RCOR2: variants seen among roughly 807,000 people sequenced by gnomAD.
RCOR2 encodes REST corepressor 2.
A neutral mutation model predicts 58.9 loss-of-function variants in RCOR2; 19 were observed. The observed-to-expected ratio is 0.32, with a 90% CI of 0.23 to 0.47. The LOEUF is 0.47. Among genes scored for constraint, RCOR2 ranks in the 20% least tolerant of loss-of-function variants. The pLI is 1.00. For missense variants in RCOR2, 590 were observed against 707.9 expected (o/e 0.83, Z 1.89); for synonymous variants, 286 against 278.7 (o/e 1.03, Z -0.26).
rs1430961387 is a variant in RCOR2, at chr11:63,916,101, G to GAGGGC, written c.127+224_127+228dup. Reference sequence around the variant, plus strand: ...GGGATGCCTCGGTCCCTGAGGGGGTGAGGGCAGGGCAGGGGCCGGCAGGAC... The same window carrying GAGGGC: ...GGGATGCCTCGGTCCCTGAGGGGGTGAGGGCAGGGCAGGGCAGGGGCCGGCAGGAC... On this transcript the variant is annotated intron_variant, in intron 1 of 11. Transcript: ENST00000301459. 7.2e-5 allele frequency among the ~76,000 whole-genome samples: 11 copies of GAGGGC among 152,374 alleles called. No individual in the cohort carries two copies. The South Asian group carries it at 1.9e-3, about 26-fold the overall frequency.
chr11:63,912,261 C>T (rs1392329305), intron 11 of RCOR2, 44 bp downstream of exon 11: 2 of 1,598,584 alleles, frequency 1.3e-6, no homozygotes, highest in Non-Finnish European at 1.7e-6. Flanking sequence ...CCTCACCTCG[C>T]CTCGCCTCTC....
Position 63,916,891 on chromosome 11 carries a change from C to T in RCOR2, c.-435G>A, listed in dbSNP as rs1368725313. 6.4e-6 allele frequency: 1 copy of T among 155,962 alleles called. No homozygotes were observed. The highest frequency in any genetic ancestry group is 1.9e-4 in the East Asian group (1 of 5,266). 9.7% of individuals were successfully genotyped at this position (155,962 alleles called of 1,614,324 possible). ...CGGGCTCTGCGCCTCTCAGCTGCGC[C>T]GGGGATGCCCCAGTCCCCGGGCGGG... On this transcript the variant is annotated 5_prime_UTR_variant, in exon 1 of 12. Coordinates refer to ENST00000301459, the MANE Select transcript of RCOR2 (RefSeq NM_173587.4).
Position 63,911,605 on chromosome 11 carries a change from C to A in RCOR2, c.*260G>T, listed in dbSNP as rs1941756510. 4.7e-6 allele frequency: 2 copies of A among 428,120 alleles called. No individual in the cohort carries two copies. The highest frequency in any genetic ancestry group is 8.1e-6 in the Non-Finnish European group (2 of 246,988). The allele number at this position is 428,120 out of a possible 1,614,324, so 26.5% of individuals were successfully genotyped here. A position where few individuals can be genotyped will look rare whatever the true frequency, so the allele number is the denominator to read the frequency against. On this transcript the variant is annotated 3_prime_UTR_variant, in exon 12 of 12. Transcript: ENST00000301459. ...AAGCCCCAGCAGACTAGGACACAGC[C>A]ATTCCAGTACCGGCCAGGAAGCGAA...
chr11:63,918,607 G>C (rs1289997896), upstream of RCOR2, among the ~76,000 whole-genome samples: 3 of 152,186 alleles, frequency 2.0e-5, no homozygotes, highest in Non-Finnish European at 4.4e-5. Flanking sequence ...AAGGAGGTCT[G>C]ATTCAAGACT....
chr11:63,917,726 C>T (rs1415760551), upstream of RCOR2, among the ~76,000 whole-genome samples: 4 of 152,174 alleles, frequency 2.6e-5, no homozygotes, highest in Non-Finnish European at 5.9e-5. Flanking sequence ...CGCCCCAATT[C>T]CCTTTAACTG....
rs144132231 is a variant in RCOR2 at position 63,912,881 on chromosome 11, G to A, written c.958C>T (p.Arg320Cys). 3 of 1,613,576 alleles carry A rather than the reference G, an allele frequency of 1.9e-6. No homozygotes were observed. Among genetic ancestry groups the A allele is most frequent in the African/African-American group, 1.3e-5 (1 of 74,908 alleles). ...QALEGGIDPLRPPEANTKFNS... is the reference protein window; with the variant it reads ...QALEGGIDPLCPPEANTKFNS... Reference sequence around the variant, plus strand: ...AAGAGCAGCCATACCTCCGGGGGGCGTAGTGGATCAATACCGCCCTCCAGG... The same window carrying A: ...AAGAGCAGCCATACCTCCGGGGGGCATAGTGGATCAATACCGCCCTCCAGG... The change falls in exon 9 of 12, where the codon CGC becomes TGC. Residue 320 changes from arginine (R) to cysteine (C), a missense_variant. Arg to Cys is a radical substitution (Grantham distance 180). This residue lies in a region of RCOR2 where 390 missense variants were observed against 478.7 expected (regional missense o/e 0.81). Coordinates refer to ENST00000301459, the MANE Select transcript of RCOR2 (RefSeq NM_173587.4).
rs1316454591 is a variant in RCOR2, at chr11:63,915,591, T to A, written c.148A>T (p.Thr50Ser). The change falls in exon 2 of 12, where the codon ACC becomes TCC. Residue 50 changes from threonine (T) to serine (S), a missense_variant. Around this residue, in one of 3 missense-constraint regions of RCOR2, gnomAD observed 390 missense variants for 478.7 expected, o/e 0.81. Transcript: ENST00000301459. ...TCCGGAATTACGGCCTGGTAATTGG[T>A]TCCAACGCGGATCATGCTGTCTGTG... is the stretch of plus-strand genomic sequence containing the variant. Reference protein sequence around the residue: ...HSHDSMIRVGTNYQAVIPECK... With the variant: ...HSHDSMIRVGSNYQAVIPECK... 7.4e-7 allele frequency: 1 copy of A among 1,356,414 alleles called. No homozygotes were observed. Among genetic ancestry groups the A allele is most frequent in the Non-Finnish European group, 9.7e-7 (1 of 1,026,554 alleles). The allele number at this position is 1,356,414 out of a possible 1,614,324, so 84.0% of individuals were successfully genotyped here.
chr11:63,922,797 G>T, the RCOR2 span, among the ~76,000 whole-genome samples: 1 of 152,096 alleles, frequency 6.6e-6, no homozygotes, highest in Non-Finnish European at 1.5e-5. Flanking sequence ...CAAACAGGTG[G>T]CTCACCATTC....
At chr11:63,926,102 G>C in the RCOR2 span, among the ~76,000 whole-genome samples, 1 of 151,902 alleles carries the variant, frequency 6.6e-6, no homozygotes, top group African/African-American at 2.4e-5. Flanking sequence ...GTAGAGACGG[G>C]GTTTCACCAT....
rs759640541 is a variant in RCOR2, at chr11:63,914,100, G to A, written c.745C>T (p.Arg249Cys). Residue 249 changes from arginine (R) to cysteine (C), a missense_variant, in exon 8 of 12, where the codon CGC (arginine) becomes TGC (cysteine). Transcript: ENST00000301459. Reference protein sequence around the residue: ...GKKEVQVSQYRHHPLRTRRRP... With the variant: ...GKKEVQVSQYCHHPLRTRRRP... ...CGCCGGGTTCGCAAGGGATGGTGGCGGTACTGAGACACCTGGACCTCCTTT... is the reference window on the plus strand; with the variant it reads ...CGCCGGGTTCGCAAGGGATGGTGGCAGTACTGAGACACCTGGACCTCCTTT... The A allele has an allele frequency of 6.8e-6, 11 of 1,613,890 alleles. No individual in the cohort carries two copies. The highest frequency in any genetic ancestry group is 3.3e-5 in the South Asian group (3 of 91,088).
chr11:63,917,553 T>C (rs1180201366), upstream of RCOR2, among the ~76,000 whole-genome samples: 3 of 152,038 alleles, frequency 2.0e-5, no homozygotes, highest in Non-Finnish European at 1.5e-5. Context: ...TCCATTTCCC[T>C]TCCTGCCAAG....
upstream of RCOR2, among the ~76,000 whole-genome samples, chr11:63,920,878 C>A (rs1941910962): frequency 6.6e-6 from 1 of 152,100 alleles, no homozygotes; most frequent in Non-Finnish European, 1.5e-5. Flanking sequence ...CTAGCCGGCA[C>A]TCCTTCCCCC....
In RCOR2 at chr11:63,917,040, G is replaced by A. The variant is rs1941868948; in HGVS notation, c.-584C>T. Among the ~76,000 whole-genome samples, 1 of 148,436 alleles carries A rather than the reference G, an allele frequency of 6.7e-6. No individual in the cohort carries two copies. Among genetic ancestry groups the A allele is most frequent in the Non-Finnish European group, 1.5e-5 (1 of 66,574 alleles). The stretch of plus-strand genomic sequence containing the variant: ...GCGGCGCTGGGCAGAGTTGCCGGGA[G>A]GCGGGCGGAGCGCAGCCGCGGGTGC... On this transcript the variant is annotated 5_prime_UTR_variant, in exon 1 of 12. Transcript: ENST00000301459.
upstream of RCOR2, among the ~76,000 whole-genome samples, chr11:63,921,783 C>T (rs1941917032): frequency 1.3e-5 from 2 of 152,246 alleles, no homozygotes; most frequent in African/African-American, 4.8e-5. Context: ...TGAGGCAGCC[C>T]ATGCCCAGTG....
intron 1 of RCOR2, 139 bp from the exon 2 acceptor site, chr11:63,915,750 C>A: frequency 1.4e-6 from 1 of 735,718 alleles, no homozygotes; most frequent in Non-Finnish European, 2.4e-6. Flanking sequence ...GCTCACTTTT[C>A]CCTCATTGTA....
chr11:63,916,739 T>G lies in RCOR2; in HGVS notation c.-283A>C. ...CGGTGCGGCTGGGGCGTGATTACTA[T>G]GTACGCCCCTCAGGGTTGGGGTTCC... On this transcript the variant is annotated 5_prime_UTR_variant, in exon 1 of 12. Transcript: ENST00000301459. The G allele has an allele frequency of 2.3e-6, 1 of 428,274 alleles. No homozygotes were observed. The highest frequency in any genetic ancestry group is 4.2e-6 in the Non-Finnish European group (1 of 239,274). The allele number at this position is 428,274 out of a possible 1,614,324, so 26.5% of individuals were successfully genotyped here.
At chr11:63,920,240 C>G (rs921373666), upstream of RCOR2, among the ~76,000 whole-genome samples, 4 of 152,240 alleles carry the variant, frequency 2.6e-5, no homozygotes, top group African/African-American at 9.6e-5. Flanking sequence ...CACCGGGCTT[C>G]TCTGCGCTCT....
At position 63,912,851 on chromosome 11, in the gene RCOR2, A is replaced by C. The variant is rs1590733745; in HGVS notation, c.969+19T>G. The stretch of plus-strand genomic sequence containing the variant: ...GAGAGAAACCCCCCTTTGCACCCTA[A>C]CTTAAAGAGCAGCCATACCTCCGGG... On this transcript the variant is annotated intron_variant, in intron 9 of 11. Transcript: ENST00000301459. The C allele has an allele frequency of 6.2e-7, 1 of 1,612,648 alleles. No homozygotes were observed. The highest frequency in any genetic ancestry group is 8.5e-7 in the Non-Finnish European group (1 of 1,179,086).
In RCOR2 at chr11:63,914,701, T is replaced by G; in HGVS notation, c.434A>C (p.Gln145Pro). The G allele has an allele frequency of 6.2e-7, 1 of 1,611,982 alleles. No homozygotes were observed. The highest frequency in any genetic ancestry group is 8.5e-7 in the Non-Finnish European group (1 of 1,178,862). ...GCATTTGCCATGGAAGCCAAAGGCCTGTTCAAACAGCACCTTGTCCTCTAC... is the reference window on the plus strand; with the variant it reads ...GCATTTGCCATGGAAGCCAAAGGCCGGTTCAAACAGCACCTTGTCCTCTAC... ...WTVEDKVLFE[Q>P]AFGFHGKCFQ... is the part of the protein sequence containing the mutation. Residue 145 changes from glutamine (Q) to proline (P), a missense_variant, in exon 5 of 12, where the codon CAG (glutamine) becomes CCG (proline). Physicochemically the swap from Gln to Pro is moderately conservative, Grantham distance 76. Coordinates refer to ENST00000301459, the MANE Select transcript of RCOR2 (RefSeq NM_173587.4).
Sources: allele counts gnomAD v4.1 joint callset (sites outside exome capture counted in the v4.1 genomes callset), GRCh38; gene constraint gnomAD v4.1.1; regional missense constraint gnomAD v4.1.1; transcripts MANE v1.5; gene names NCBI Gene and HGNC (gene_info 2026-07-23, HGNC 2026-07-21).